The following CCDC87 variants were observed in gnomAD, a reference collection of about 807,000 sequenced individuals.
The protein encoded by CCDC87 is coiled-coil domain containing 87.
For missense variants in CCDC87, 1,072 were observed against 1,041.7 expected (o/e 1.03, Z -0.40); for synonymous variants, 434 against 440.2 (o/e 0.99, Z 0.18).
rs1479228302 is a variant in CCDC87 at position 66,592,836 on chromosome 11, G to A, written c.180C>T (p.Ser60=). The change falls in exon 1 of 1, where the codon AGC becomes AGT. Residue 60 remains serine, a synonymous_variant. Coordinates refer to ENST00000333861, the MANE Select transcript of CCDC87 (RefSeq NM_018219.3). ...LAKLTVASLC[S]QVAKLLAGSG... ...TGCCGGCCAGCAGCTTGGCCACCTG[G>A]CTGCACAGCGACGCCACCGTCAGCT... 2 of 1,586,072 alleles carry A rather than the reference G, an allele frequency of 1.3e-6. No individual in the cohort carries two copies. Among genetic ancestry groups the A allele is most frequent in the East Asian group, 4.5e-5 (2 of 44,588 alleles).
chr11:66,591,654 TAA>T lies in CCDC87; in HGVS notation c.1360_1361del (p.Leu454ArgfsTer6), dbSNP rs769126762. ...CGGCCCCCTCAATGTGGAAAGAGTC[TAA>T]GAAGTTTCTATCAGAGACCCGTACG... Reference protein sequence around the residue: ...AAVRVSDRNFLDSFHIEGAGA... With the variant: ...AAVRVSDRNFXDSFHIEGAGA... On this transcript the variant is annotated frameshift_variant, in exon 1 of 1. Transcript: ENST00000333861. LOFTEE classifies it low-confidence loss of function (END_TRUNC). 1.2e-6 allele frequency: 2 copies of T among 1,613,904 alleles called. No homozygotes were observed. Among genetic ancestry groups the T allele is most frequent in the South Asian group, 2.2e-5 (2 of 91,080 alleles).
Position 66,592,762 on chromosome 11 carries a change from T to G in CCDC87, c.254A>C (p.Lys85Thr). ...GCACTTCAGCTCGTCCAGGATGACC[T>G]TGATGAGACGTAGTCGGGCCTCAGG... ...VPPEARLRLI[K>T]VILDELKCSW... Residue 85 changes from lysine (K) to threonine (T), a missense_variant, in exon 1 of 1, where the codon AAG becomes ACG. Physicochemically the swap from Lys to Thr is moderately conservative, Grantham distance 78 (BLOSUM62 -1). Transcript: ENST00000333861. 6.2e-7 allele frequency: 1 copy of G among 1,613,670 alleles called. No individual in the cohort carries two copies. Among genetic ancestry groups the G allele is most frequent in the Non-Finnish European group, 8.5e-7 (1 of 1,179,952 alleles).
In CCDC87 at chr11:66,591,727, G is replaced by T. The variant is rs977138145; in HGVS notation, c.1289C>A (p.Thr430Asn). The T allele has an allele frequency of 5.0e-6, 8 of 1,613,662 alleles. No homozygotes were observed. The African/African-American group carries it at 8.0e-5, about 16-fold the overall frequency. Residue 430 changes from threonine to asparagine, a missense_variant, in exon 1 of 1, where the codon ACC (threonine) becomes AAC (asparagine). Transcript: ENST00000333861. ...CTCATTTCTAAGCTTCAAAGTAATG[G>T]TCACTGGCTGTGGGTGAAGTGGAAA... is the stretch of plus-strand genomic sequence containing the variant. ...KSFPLHPQPV[T>N]ITLKLRNEVV...
rs1858376984 is a variant in CCDC87 at position 66,592,110 on chromosome 11, G to C, written c.906C>G (p.Phe302Leu). The C allele has an allele frequency of 6.3e-7, 1 of 1,589,818 alleles. No individual in the cohort carries two copies. The highest frequency in any genetic ancestry group is 1.8e-5 in the Admixed American group (1 of 56,952). Residue 302 changes from phenylalanine (F) to leucine (L), a missense_variant, in exon 1 of 1, where the codon TTC (phenylalanine) becomes TTG (leucine). Transcript: ENST00000333861. ...ATTGGCCTCTCCGGAGCTCAGGGCA[G>C]AAAGGCGAGGGGGAAGCCCTGCTGG... ...APTSRASPSP[F>L]CPELRRGQSM... is the part of the protein sequence containing the mutation.
In CCDC87 at chr11:66,592,530, G is replaced by A; in HGVS notation, c.486C>T (p.Cys162=). The change falls in exon 1 of 1, where the codon TGC becomes TGT. Residue 162 remains cysteine, a synonymous_variant. Coordinates refer to ENST00000333861, the MANE Select transcript of CCDC87 (RefSeq NM_018219.3). ...CGTTGGGACTAGTAAGGAAGAGTGT[G>A]CAGTCCCTGGCGAGGCTGGCGGCCA... ...TRLAASLARD[C]TLFLTSPNVY... The A allele has an allele frequency of 1.2e-6, 2 of 1,613,260 alleles. No individual in the cohort carries two copies. Among genetic ancestry groups the A allele is most frequent in the Non-Finnish European group, 1.7e-6 (2 of 1,180,026 alleles).
rs898490727 is a variant in CCDC87, at chr11:66,591,857, G to A, written c.1159C>T (p.Arg387Cys). 15 of 1,613,456 alleles carry A rather than the reference G, an allele frequency of 9.3e-6. No homozygotes were observed. The African/African-American group carries it at 1.1e-4, about 11-fold the overall frequency. ...AGGCGATGCCCTGCAGCTGGGTGAC[G>A]GGTCACAACCCCCAGGAGAGGAGGC... Reference protein sequence around the residue: ...GLPPLLGVVTRHPAAGHRLEE... With the variant: ...GLPPLLGVVTCHPAAGHRLEE... The change falls in exon 1 of 1, where the codon CGT becomes TGT. Residue 387 changes from arginine (R) to cysteine (C), a missense_variant. By Grantham distance (180) the Arg-to-Cys change is radical (BLOSUM62 -3). Transcript: ENST00000333861.
chr11:66,590,550 C>A lies in CCDC87; in HGVS notation c.2466G>T (p.Gln822His), dbSNP rs766408137. ...DKVEMLYWLQ[Q>H]QRRVRHLVSA... ...AGACCAGGTGGCGAACCCGCCGCTGCTGTTGCAGCCAATAGAGCATCTCCA... is the reference window on the plus strand; with the variant it reads ...AGACCAGGTGGCGAACCCGCCGCTGATGTTGCAGCCAATAGAGCATCTCCA... The change falls in exon 1 of 1, where the codon CAG becomes CAT. Residue 822 changes from glutamine to histidine, a missense_variant. By Grantham distance (24) the Gln-to-His change is conservative. Transcript: ENST00000333861. 1 of 1,614,210 alleles carries A rather than the reference C, an allele frequency of 6.2e-7. No homozygotes were observed. The highest frequency in any genetic ancestry group is 1.3e-5 in the African/African-American group (1 of 75,052).
Position 66,590,711 on chromosome 11 carries a change from G to A in CCDC87, c.2305C>T (p.Arg769Ter), listed in dbSNP as rs62000967. 1.4e-3 allele frequency: 2,284 copies of A among 1,613,910 alleles called. 2 individuals carry two copies. The highest frequency in any genetic ancestry group is 1.5e-3 in the Non-Finnish European group (1,816 of 1,180,020). ...SSHFLEENQV[R>*]SHLHRKLNLM... is the part of the protein sequence containing the mutation. ...TTGAGCTTCCTGTGGAGATGGCTTC[G>A]GACCTGATTCTCCTCCAGGAAGTGA... The change falls in exon 1 of 1, where the codon CGA (arginine) becomes TGA (stop). Residue 769 changes from arginine (R) to a stop codon, truncating the protein, a stop_gained. Transcript: ENST00000333861. LOFTEE classifies it low-confidence loss of function (END_TRUNC).
In CCDC87 at chr11:66,592,085, A is replaced by G. The variant is rs1354295891; in HGVS notation, c.931T>C (p.Ser311Pro). The G allele has an allele frequency of 1.9e-6, 3 of 1,604,728 alleles. No homozygotes were observed. The highest frequency in any genetic ancestry group is 3.4e-5 in the Admixed American group (2 of 58,732). Residue 311 changes from serine to proline, a missense_variant, in exon 1 of 1, where the codon TCC becomes CCC. Ser to Pro is a moderately conservative substitution (Grantham distance 74). Coordinates refer to ENST00000333861, the MANE Select transcript of CCDC87 (RefSeq NM_018219.3). ...CAGCCCTCACGCAGGGAGGGCATGG[A>G]TTGGCCTCTCCGGAGCTCAGGGCAG... Reference protein sequence around the residue: ...PFCPELRRGQSMPSLREGWRL... With the variant: ...PFCPELRRGQPMPSLREGWRL...
Position 66,591,959 on chromosome 11 carries a change from C to T in CCDC87, c.1057G>A (p.Val353Met), listed in dbSNP as rs780039959. 9 of 1,613,800 alleles carry T rather than the reference C, an allele frequency of 5.6e-6. No individual in the cohort carries two copies. Among genetic ancestry groups the T allele is most frequent in the Middle Eastern group, 1.6e-4 (1 of 6,084 alleles). Residue 353 changes from valine to methionine, a missense_variant, in exon 1 of 1, where the codon GTG becomes ATG. By Grantham distance (21) the Val-to-Met change is conservative. Coordinates refer to ENST00000333861, the MANE Select transcript of CCDC87 (RefSeq NM_018219.3). ...ATCAACTGCTTCAGATCCTCAGCCACGATGAGCCCAGTCAGCTCTGGTTTG... is the reference window on the plus strand; with the variant it reads ...ATCAACTGCTTCAGATCCTCAGCCATGATGAGCCCAGTCAGCTCTGGTTTG... ...ESKPELTGLI[V>M]AEDLKQLIKK...
rs1431832995 is a variant in CCDC87, at chr11:66,590,902, T to C, written c.2114A>G (p.Tyr705Cys). The C allele has an allele frequency of 3.1e-6, 5 of 1,613,556 alleles. No homozygotes were observed. The highest frequency in any genetic ancestry group is 1.3e-5 in the African/African-American group (1 of 74,944). The change falls in exon 1 of 1, where the codon TAT (tyrosine) becomes TGT (cysteine). Residue 705 changes from tyrosine (Y) to cysteine (C), a missense_variant. By Grantham distance (194) the Tyr-to-Cys change is radical. Coordinates refer to ENST00000333861, the MANE Select transcript of CCDC87 (RefSeq NM_018219.3). The stretch of plus-strand genomic sequence containing the variant: ...CTGCCTCAGGCGGGCTTTGGAGCTA[T>C]ATTTAATGGTCATGTCCACCTGGTC... The part of the protein sequence containing the change: ...DKDQVDMTIK[Y>C]SSKARLRQLP...
Position 66,591,017 on chromosome 11 carries a change from T to TC in CCDC87, c.1998dup (p.Lys667GlufsTer26). 1 of 1,614,078 alleles carries TC rather than the reference T, an allele frequency of 6.2e-7. No homozygotes were observed. Among genetic ancestry groups the TC allele is most frequent in the Non-Finnish European group, 8.5e-7 (1 of 1,180,038 alleles). On this transcript the variant is annotated frameshift_variant, in exon 1 of 1. Transcript: ENST00000333861. LOFTEE classifies it low-confidence loss of function (END_TRUNC). ...TGGGGTTCTCCCAGGTGGGGTGTCT[T>TC]CCCAGCTCCTAGCCTGTGCTCTAGC...
rs1858399704 is a variant in CCDC87 at position 66,592,846 on chromosome 11, G to A, written c.170C>T (p.Ser57Leu). ...SFPLAKLTVA[S>L]LCSQVAKLLA... ...CAGCTTGGCCACCTGGCTGCACAGC[G>A]ACGCCACCGTCAGCTTCGCCAGAGG... The change falls in exon 1 of 1, where the codon TCG (serine) becomes TTG (leucine). Residue 57 changes from serine to leucine, a missense_variant. Ser to Leu is a moderately radical substitution (Grantham distance 145). Transcript: ENST00000333861. 4 of 1,578,722 alleles carry A rather than the reference G, an allele frequency of 2.5e-6. No homozygotes were observed. Among genetic ancestry groups the A allele is most frequent in the Non-Finnish European group, 3.4e-6 (4 of 1,162,300 alleles).
Position 66,590,951 on chromosome 11 carries a change from AC to A in CCDC87, c.2064del (p.Trp688CysfsTer14). ...TCCTTGTCAGGGACCTCAAGCACAGACCACAGTTGTTCCAGATGCTTCTGCA... is the reference window on the plus strand; with the variant it reads ...TCCTTGTCAGGGACCTCAAGCACAGACACAGTTGTTCCAGATGCTTCTGCA... ...LSLQKHLEQL[W>X]SVLEVPDKDQ... is the part of the protein sequence containing the mutation. On this transcript the variant is annotated frameshift_variant, in exon 1 of 1. Coordinates refer to ENST00000333861, the MANE Select transcript of CCDC87 (RefSeq NM_018219.3). LOFTEE classifies it low-confidence loss of function (END_TRUNC). 1 of 1,613,636 alleles carries A rather than the reference AC, an allele frequency of 6.2e-7. No homozygotes were observed. Among genetic ancestry groups the A allele is most frequent in the South Asian group, 1.1e-5 (1 of 91,090 alleles).
At position 66,591,851 on chromosome 11, in the gene CCDC87, G is replaced by A. The variant is rs761280214; in HGVS notation, c.1165C>T (p.Pro389Ser). The A allele has an allele frequency of 3.1e-6, 5 of 1,613,560 alleles. No homozygotes were observed. The South Asian group carries it at 4.4e-5, about 14-fold the overall frequency. Reference protein sequence around the residue: ...PPLLGVVTRHPAAGHRLEELE... With the variant: ...PPLLGVVTRHSAAGHRLEELE... ...TCCTCCAGGCGATGCCCTGCAGCTG[G>A]GTGACGGGTCACAACCCCCAGGAGA... The change falls in exon 1 of 1, where the codon CCA (proline) becomes TCA (serine). Residue 389 changes from proline (P) to serine (S), a missense_variant. Pro to Ser is a moderately conservative substitution (Grantham distance 74). Transcript: ENST00000333861.
In CCDC87 at chr11:66,590,489, T is replaced by C; in HGVS notation, c.2527A>G (p.Arg843Gly). 7 of 1,612,132 alleles carry C rather than the reference T, an allele frequency of 4.3e-6. No homozygotes were observed. The highest frequency in any genetic ancestry group is 5.9e-6 in the Non-Finnish European group (7 of 1,178,976). Residue 843 changes from arginine (R) to glycine (G), a missense_variant, in exon 1 of 1, where the codon AGG becomes GGG. By Grantham distance (125) the Arg-to-Gly change is moderately radical. Coordinates refer to ENST00000333861, the MANE Select transcript of CCDC87 (RefSeq NM_018219.3). Reference protein sequence around the residue: ...LKDPHQSTLFRSSAASL With the variant: ...LKDPHQSTLFGSSAASL ...TACTAAAGGCTGGCTGCTGAGCTCC[T>C]GAACAGGGTTGACTGGTGGGGATCC...
chr11:66,592,933 C>T lies in CCDC87; in HGVS notation c.83G>A (p.Arg28Lys). 13 of 1,521,754 alleles carry T rather than the reference C, an allele frequency of 8.5e-6. No homozygotes were observed. Among genetic ancestry groups the T allele is most frequent in the Non-Finnish European group, 1.1e-5 (13 of 1,137,418 alleles). The allele number at this position is 1,521,754 out of a possible 1,614,324, so 94.3% of individuals were successfully genotyped here. A position where few individuals can be genotyped will look rare whatever the true frequency, so the allele number is the denominator to read the frequency against. ...LLRPLSLFPT[R>K]TTSPEPQKRP... Reference sequence around the variant, plus strand: ...CTTCTGAGGCTCTGGGGACGTCGTCCTAGTGGGGAAGAGCGACAGCGGACG... The same window carrying T: ...CTTCTGAGGCTCTGGGGACGTCGTCTTAGTGGGGAAGAGCGACAGCGGACG... Residue 28 changes from arginine to lysine, a missense_variant, in exon 1 of 1, where the codon AGG (arginine) becomes AAG (lysine). Coordinates refer to ENST00000333861, the MANE Select transcript of CCDC87 (RefSeq NM_018219.3).
Position 66,592,289 on chromosome 11 carries a change from G to C in CCDC87, c.727C>G (p.Pro243Ala). 6.2e-7 allele frequency: 1 copy of C among 1,614,210 alleles called. No individual in the cohort carries two copies. Among genetic ancestry groups the C allele is most frequent in the Non-Finnish European group, 8.5e-7 (1 of 1,180,040 alleles). ...TCCTTCACTGGATCCATCCTTCCTGGCTCATTGAGAAACTCTGGTGGACGG... is the reference window on the plus strand; with the variant it reads ...TCCTTCACTGGATCCATCCTTCCTGCCTCATTGAGAAACTCTGGTGGACGG... Reference protein sequence around the residue: ...LSRPPEFLNEPGRMDPVKELK... With the variant: ...LSRPPEFLNEAGRMDPVKELK... The change falls in exon 1 of 1, where the codon CCA (proline) becomes GCA (alanine). Residue 243 changes from proline (P) to alanine (A), a missense_variant. By Grantham distance (27) the Pro-to-Ala change is conservative. Coordinates refer to ENST00000333861, the MANE Select transcript of CCDC87 (RefSeq NM_018219.3).
In CCDC87 at chr11:66,592,496, C is replaced by G. The variant is rs1858388503; in HGVS notation, c.520G>C (p.Gly174Arg). Residue 174 changes from glycine to arginine, a missense_variant, in exon 1 of 1, where the codon GGC becomes CGC. Physicochemically the swap from Gly to Arg is moderately radical, Grantham distance 125. Transcript: ENST00000333861. ...LFLTSPNVYR[G>R]LLADFQALLR... ...AGGGCCTGGAAGTCGGCAAGCAGGC[C>G]ACGGTAGACGTTGGGACTAGTAAGG... 3.1e-6 allele frequency: 5 copies of G among 1,613,616 alleles called. No homozygotes were observed. The highest frequency in any genetic ancestry group is 4.2e-6 in the Non-Finnish European group (5 of 1,180,056).
Sources: allele counts gnomAD v4.1 joint callset, GRCh38; gene constraint gnomAD v4.1.1; transcripts MANE v1.5; gene names NCBI Gene and HGNC (gene_info 2026-07-23, HGNC 2026-07-21).